Variants in HGS observed in about 807,000 individuals in gnomAD.
HGS encodes hepatocyte growth factor-regulated tyrosine kinase substrate, also known as human growth factor-regulated tyrosine kinase substrate.
Under a neutral mutation model 109.7 loss-of-function variants are expected in HGS, and 63 were observed. That is an observed-to-expected ratio of 0.57 (90% CI 0.47 to 0.71). HGS has a LOEUF of 0.71. HGS is among the 30% of genes least tolerant of loss of function. The pLI, the probability that HGS is intolerant of heterozygous loss-of-function variation, is 0.00. For synonymous variants in HGS, 546 were observed against 437.3 expected (o/e 1.25, Z -3.10); for missense variants, 995 against 1,068.3 (o/e 0.93, Z 0.96).
At position 81,702,047 on chromosome 17, in the gene HGS, G is replaced by C; in HGVS notation, c.*429G>C. The stretch of plus-strand genomic sequence containing the variant: ...CAAGGGTGGAGGCTTCAGGTCTCCA[G>C]CTTCTCTGCTTCTCAGCTGCCATCT... On this transcript the variant is annotated 3_prime_UTR_variant, in exon 22 of 22. Transcript: ENST00000329138. The C allele has an allele frequency of 6.0e-6, 1 of 167,072 alleles. No homozygotes were observed. The highest frequency in any genetic ancestry group is 1.3e-5 in the Non-Finnish European group (1 of 78,138). 10.3% of individuals were successfully genotyped at this position (167,072 alleles called of 1,614,324 possible).
chr17:81,695,781 T>A lies in HGS; in HGVS notation c.1180-5T>A, dbSNP rs762544759. ...CACTCATCCAGAACCCTGCTCTGCC[T>A]GCAGCCACAGTTCCACAATGGCGAG... On this transcript the variant is annotated splice_polypyrimidine_tract_variant and splice_region_variant and intron_variant, in intron 14 of 21. Transcript: ENST00000329138. 7 of 1,613,008 alleles carry A rather than the reference T, an allele frequency of 4.3e-6. No homozygotes were observed. The highest frequency in any genetic ancestry group is 5.9e-6 in the Non-Finnish European group (7 of 1,179,956).
intron 19 of HGS, 36 bp from the exon 20 acceptor site, chr17:81,700,659 C>CCCCCCCCCCCCAAAACCCA: frequency 6.3e-7 from 1 of 1,594,996 alleles, no homozygotes; most frequent in Non-Finnish European, 8.6e-7. Context: ...GCCCCAGCCC[C>CCCCCCCCCCCCAAAACCCA]AGCCCCTTCT....
At chr17:81,696,164 T>C (rs774917225) in intron 15 of HGS, 165 bp downstream of exon 15, 22 of 372,518 alleles carry the variant, frequency 5.9e-5, no homozygotes, top group Non-Finnish European at 8.7e-5. Context: ...GTGATGACCA[T>C]GCCCTGCCCT....
rs369164574 is a variant in HGS, at chr17:81,696,742, G to A, written c.1702G>A (p.Ala568Thr). The change falls in exon 17 of 22, where the codon GCC becomes ACC. Residue 568 changes from alanine (A) to threonine (T), a missense_variant. By Grantham distance (58) the Ala-to-Thr change is moderately conservative. Coordinates refer to ENST00000329138, the MANE Select transcript of HGS (RefSeq NM_004712.5). Reference protein sequence around the residue: ...AQMPAFPLPYAQLQAMPAAGG... With the variant: ...AQMPAFPLPYTQLQAMPAAGG... ...GATGCCCGCCTTCCCCCTGCCCTACGCCCAGGCATGTGCCATCCTCCCGCC... is the reference window on the plus strand; with the variant it reads ...GATGCCCGCCTTCCCCCTGCCCTACACCCAGGCATGTGCCATCCTCCCGCC... 7 of 1,606,086 alleles carry A rather than the reference G, an allele frequency of 4.4e-6. No homozygotes were observed. Among genetic ancestry groups the A allele is most frequent in the East Asian group, 2.2e-5 (1 of 44,718 alleles).
In HGS at chr17:81,684,275, G is replaced by A. The variant is rs2036933854; in HGVS notation, c.37+172G>A. ...CCGCCGATCCTGGACCCTCGGCGCG[G>A]CCGTGGGGTCGGCGTCCGTCGGGCG... On this transcript the variant is annotated intron_variant, in intron 1 of 21. Coordinates refer to ENST00000329138, the MANE Select transcript of HGS (RefSeq NM_004712.5). The A allele has an allele frequency of 2.1e-5, 11 of 512,762 alleles. No individual in the cohort carries two copies. In the South Asian group the frequency reaches 7.4e-4, roughly 35 times the overall value. The allele number at this position is 512,762 out of a possible 1,614,324, so 31.8% of individuals were successfully genotyped here. A position where few individuals can be genotyped will look rare whatever the true frequency, so the allele number is the denominator to read the frequency against.
In HGS at chr17:81,691,401, G is replaced by T; in HGVS notation, c.538-46G>T. 1 of 1,610,516 alleles carries T rather than the reference G, an allele frequency of 6.2e-7. No homozygotes were observed. Among genetic ancestry groups the T allele is most frequent in the Non-Finnish European group, 8.5e-7 (1 of 1,179,012 alleles). ...TGGTTCTGGGCCGGGTGGCGCATCA[G>T]GGTCCCCCAGTGCCTGTGACCAGGC... On this transcript the variant is annotated intron_variant, in intron 7 of 21. Coordinates refer to ENST00000329138, the MANE Select transcript of HGS (RefSeq NM_004712.5). This position sits in a 1 kb window ranked among gnomAD's most constrained non-coding sequence, Gnocchi z 5.3.
At chr17:81,687,777 C>A (rs1225738561) in intron 4 of HGS, among the ~76,000 whole-genome samples, 1 of 152,076 alleles carries the variant, frequency 6.6e-6, no homozygotes, top group African/African-American at 2.4e-5. Context: ...CCTTCTGTCC[C>A]AACCTGTGGG....
intron 8 of HGS, chr17:81,692,553 C>CG (rs1384206975): frequency 6.6e-6 from 1 of 152,282 alleles, no homozygotes; most frequent in East Asian, 1.9e-4. Flanking sequence ...TGCCCACAAG[C>CG]GTGAGTCTGC....
chr17:81,695,833 G>A lies in HGS; in HGVS notation c.1227G>A (p.Leu409=), dbSNP rs779277403. The change falls in exon 15 of 22, where the codon CTG becomes CTA. Residue 409 remains leucine (L), a synonymous_variant. Coordinates refer to ENST00000329138, the MANE Select transcript of HGS (RefSeq NM_004712.5). Reference sequence around the variant, plus strand: ...CTGAGGAGAGCCACGAGCAGTTCCTGAAGGCGCTGCAGAACGCCGTCACCA... The same window carrying A: ...CTGAGGAGAGCCACGAGCAGTTCCTAAAGGCGCTGCAGAACGCCGTCACCA... The part of the protein sequence containing the change: ...GESEESHEQF[L]KALQNAVTTF... The A allele has an allele frequency of 5.6e-6, 9 of 1,613,418 alleles. No individual in the cohort carries two copies. The highest frequency in any genetic ancestry group is 1.6e-4 in the Middle Eastern group (1 of 6,084).
chr17:81,697,704 C>G (rs566770573), intron 18 of HGS: 1 of 152,340 alleles, frequency 6.6e-6, no homozygotes, highest in Non-Finnish European at 1.5e-5. Context: ...GTGTTTATTA[C>G]GGTGTTTGCC....
chr17:81,693,111 G>C (rs1178390164), intron 8 of HGS: 2 of 200,880 alleles, frequency 1.0e-5, no homozygotes, highest in South Asian at 1.8e-4. Context: ...TGCCTGGGGC[G>C]CCCCGGAAGA....
chr17:81,684,310 G>A, intron 1 of HGS: 1 of 400,186 alleles, frequency 2.5e-6, no homozygotes, highest in African/African-American at 2.1e-5. Flanking sequence ...GTTGGCAAAT[G>A]GGGCTCTGCG....
chr17:81,697,033 A>G (rs759651369), intron 18 of HGS, 35 bp downstream of exon 18: 1 of 1,507,648 alleles, frequency 6.6e-7, no homozygotes, highest in Middle Eastern at 1.8e-4. Flanking sequence ...CATGCCTTTT[A>G]TCCCTCGTCT....
intron 11 of HGS, among the ~76,000 whole-genome samples, chr17:81,694,414 C>A (rs181273580): frequency 7.9e-5 from 12 of 152,224 alleles, no homozygotes; most frequent in African/African-American, 2.7e-4. Context: ...GTGGCCAGGC[C>A]GCTGCAGGCC....
Position 81,691,612 on chromosome 17 carries a change from C to A in HGS, c.662+41C>A. 6.2e-7 allele frequency: 1 copy of A among 1,612,160 alleles called. No homozygotes were observed. Among genetic ancestry groups the A allele is most frequent in the Non-Finnish European group, 8.5e-7 (1 of 1,179,002 alleles). On this transcript the variant is annotated intron_variant, in intron 8 of 21. Transcript: ENST00000329138. The surrounding 1 kb of genome is among the most constrained non-coding windows in gnomAD (Gnocchi z 5.3). ...CCATTTGGGCTGCAGGTGGGGCAGG[C>A]TCTCCAGGCTGGGTTTTCTGTCCCT...
chr17:81,701,129 C>G lies in HGS; in HGVS notation c.2221C>G (p.Gln741Glu), dbSNP rs2037230899. Reference protein sequence around the residue: ...YIAGQQPMYQQMAPSGGPPQQ... With the variant: ...YIAGQQPMYQEMAPSGGPPQQ... ...CGCGGGGCAGCAGCCCATGTACCAG[C>G]AGGTGAGCCATTCCCGGGGCCTCAC... Residue 741 changes from glutamine (Q) to glutamate (E), a missense_variant and splice_region_variant, in exon 21 of 22, where the codon CAG becomes GAG. This residue lies in a region of HGS where 326 missense variants were observed against 309.7 expected (regional missense o/e 1.05). Coordinates refer to ENST00000329138, the MANE Select transcript of HGS (RefSeq NM_004712.5). The G allele has an allele frequency of 6.2e-7, 1 of 1,613,448 alleles. No individual in the cohort carries two copies. The highest frequency in any genetic ancestry group is 8.5e-7 in the Non-Finnish European group (1 of 1,179,648).
chr17:81,690,570 G>T, intron 6 of HGS, 104 bp from the exon 7 acceptor site: 1 of 1,140,404 alleles, frequency 8.8e-7, no homozygotes, highest in Non-Finnish European at 1.3e-6. Flanking sequence ...GCTCGTGCTG[G>T]GGTCCTCTCT....
chr17:81,688,211 G>T (rs139005427), intron 4 of HGS, among the ~76,000 whole-genome samples: 1 of 152,138 alleles, frequency 6.6e-6, no homozygotes, highest in Non-Finnish European at 1.5e-5. Flanking sequence ...CGCTCTAACC[G>T]GGGGAGAGGA....
rs781240810 is a variant in HGS at position 81,693,543 on chromosome 17, C to T, written c.703C>T (p.Pro235Ser). 5.0e-6 allele frequency: 8 copies of T among 1,613,118 alleles called. No individual in the cohort carries two copies. The highest frequency in any genetic ancestry group is 6.8e-6 in the Non-Finnish European group (8 of 1,179,690). Residue 235 changes from proline to serine, a missense_variant, in exon 9 of 22, where the codon CCC becomes TCC. By Grantham distance (74) the Pro-to-Ser change is moderately conservative. Around this residue, in one of 6 missense-constraint regions of HGS, gnomAD observed 300 missense variants for 235.4 expected, o/e 1.27. Transcript: ENST00000329138. ...GGCCACTTCCACCACTGAGCTGCCC[C>T]CCGAGTACCTGACCAGCCCCCTGTC... is the stretch of plus-strand genomic sequence containing the variant. ...GKATSTTELP[P>S]EYLTSPLSQQ... is the part of the protein sequence containing the mutation.
Sources: allele counts gnomAD v4.1 joint callset (sites outside exome capture counted in the v4.1 genomes callset), GRCh38; gene constraint gnomAD v4.1.1; regional missense constraint gnomAD v4.1.1; non-coding constraint Gnocchi (gnomAD v3.1); transcripts MANE v1.5; gene names NCBI Gene and HGNC (gene_info 2026-07-23, HGNC 2026-07-21).